The following PLXNA4 variants were observed in gnomAD, a reference collection of about 807,000 sequenced individuals.
PLXNA4 encodes the protein plexin A4, also known as plexin-A4.
A neutral mutation model predicts 191.8 loss-of-function variants in PLXNA4; 44 were observed. The ratio of observed to expected loss-of-function variants is 0.23; its 90% CI spans 0.18 to 0.29. The LOEUF (loss-of-function observed/expected upper bound fraction) is 0.29. Ranked by LOEUF, PLXNA4 falls within the 10% of genes least tolerant of loss-of-function variation. PLXNA4 has a pLI of 1.00. For synonymous variants in PLXNA4, 1,082 were observed against 1,009.5 expected (o/e 1.07, Z -1.36); for missense variants, 1,800 against 2,488.8 (o/e 0.72, Z 5.89).
intron 2 of PLXNA4, among the ~76,000 whole-genome samples, chr7:132,636,958 T>C (rs1223857042): frequency 6.6e-6 from 1 of 152,154 alleles, no homozygotes; most frequent in African/African-American, 2.4e-5. Flanking sequence ...GCTCCCCCAA[T>C]ATGCACGTCC....
At chr7:132,558,825 G>A (rs974553228) in intron 1 of PLXNA4, among the ~76,000 whole-genome samples, 1 of 152,216 alleles carries the variant, frequency 6.6e-6, no homozygotes, top group African/African-American at 2.4e-5. Flanking sequence ...GATACCCCAG[G>A]TCAGTAAGTA....
At chr7:132,523,094 A>G (rs1296714636) in intron 1 of PLXNA4, among the ~76,000 whole-genome samples, 1 of 152,078 alleles carries the variant, frequency 6.6e-6, no homozygotes, top group Non-Finnish European at 1.5e-5. Flanking sequence ...TCAGCTCCCT[A>G]GACTCTACAC....
intron 4 of PLXNA4, among the ~76,000 whole-genome samples, chr7:132,262,355 T>C (rs2116255443): frequency 6.6e-6 from 1 of 152,328 alleles, no homozygotes; most frequent in East Asian, 1.9e-4. Context: ...TTATTAATGA[T>C]GTCCTGGGCT....
intron 3 of PLXNA4, among the ~76,000 whole-genome samples, chr7:132,357,343 C>T (rs1471484303): frequency 6.6e-6 from 1 of 152,304 alleles, no homozygotes; most frequent in Admixed American, 6.5e-5. Flanking sequence ...TCCTTTGCAT[C>T]CTTCTTGCCT....
chr7:132,448,895 T>C (rs1796009975), intron 3 of PLXNA4, among the ~76,000 whole-genome samples: 2 of 152,254 alleles, frequency 1.3e-5, no homozygotes, highest in African/African-American at 2.4e-5. Flanking sequence ...AACAGCTAAC[T>C]GTAGAGCTCA....
intron 5 of PLXNA4, among the ~76,000 whole-genome samples, chr7:132,237,217 C>T (rs1357606062): frequency 3.9e-5 from 6 of 152,132 alleles, no homozygotes; most frequent in Non-Finnish European, 8.8e-5. Flanking sequence ...TTATCCAGGA[C>T]CGGATTTTAG....
intron 2 of PLXNA4, among the ~76,000 whole-genome samples, chr7:132,613,356 C>A (rs1265116867): frequency 6.6e-6 from 1 of 151,532 alleles, no homozygotes; most frequent in Non-Finnish European, 1.5e-5. Flanking sequence ...AAGCCACCCT[C>A]CCCCCCGACA....
Position 132,383,545 on chromosome 7 carries a change from A to C in PLXNA4, c.1372-85323T>G, listed in dbSNP as rs140711095. ...TTTATTCATTGTATCATGCTTTCTAATTGTCTCATGCTTTTTCACTGAATG... is the reference window on the plus strand; with the variant it reads ...TTTATTCATTGTATCATGCTTTCTACTTGTCTCATGCTTTTTCACTGAATG... On this transcript the variant is annotated intron_variant, in intron 3 of 31. Transcript: ENST00000321063. The C allele has an allele frequency of 2.9e-5, 28 of 980,092 alleles. No homozygotes were observed. The African/African-American group carries it at 4.5e-4, about 16-fold the overall frequency. 60.7% of individuals were successfully genotyped at this position (980,092 alleles called of 1,614,324 possible).
In PLXNA4 at chr7:132,235,683, G is replaced by A. The variant is rs537577100; in HGVS notation, c.1604+5383C>T. Among the ~76,000 whole-genome samples the A allele has an allele frequency of 3.8e-4, 58 of 152,294 alleles. No homozygotes were observed. In the East Asian group the frequency reaches 5.8e-3, roughly 15 times the overall value. ...AAGAAAGGTAACGCCTGGGCCAATC[G>A]ATGCGGCTGGGTCTGCTGGGCAGGA... is the stretch of plus-strand genomic sequence containing the variant. On this transcript the variant is annotated intron_variant, in intron 5 of 31. Coordinates refer to ENST00000321063, the MANE Select transcript of PLXNA4 (RefSeq NM_020911.2).
chr7:132,484,804 T>C (rs370145802), intron 3 of PLXNA4: 129 of 1,613,574 alleles, frequency 8.0e-5, no homozygotes, highest in Non-Finnish European at 9.7e-5. Flanking sequence ...GATTCAAATT[T>C]CCAGAGTAAT....
intron 3 of PLXNA4, among the ~76,000 whole-genome samples, chr7:132,488,050 G>C (rs1563128309): frequency 6.6e-6 from 1 of 152,224 alleles, no homozygotes; most frequent in Non-Finnish European, 1.5e-5. Context: ...AGCACCTGCT[G>C]TGTGGTACAT....
intron 3 of PLXNA4, among the ~76,000 whole-genome samples, chr7:132,340,315 T>A (rs1802978200): frequency 6.6e-6 from 1 of 152,216 alleles, no homozygotes; most frequent in Admixed American, 6.5e-5. Context: ...TGGACTGGTC[T>A]GAAGGAAAAC....
chr7:132,587,789 C>T (rs1050050306), intron 2 of PLXNA4, among the ~76,000 whole-genome samples: 1 of 151,910 alleles, frequency 6.6e-6, no homozygotes, highest in African/African-American at 2.4e-5. Flanking sequence ...CTGCACTGTA[C>T]ACCTCATTCA....
intron 21 of PLXNA4, among the ~76,000 whole-genome samples, chr7:132,170,793 G>A (rs1446114635): frequency 6.6e-6 from 1 of 152,238 alleles, no homozygotes; most frequent in African/African-American, 2.4e-5. Flanking sequence ...GCTCCTATGG[G>A]TCTGGAAGCT....
At chr7:132,390,585 T>TA in intron 3 of PLXNA4, among the ~76,000 whole-genome samples, 1 of 151,950 alleles carries the variant, frequency 6.6e-6, no homozygotes, top group Non-Finnish European at 1.5e-5. Context: ...ATAATAACAA[T>TA]AAAAAAGAAA....
chr7:132,223,206 T>C (rs555357658), intron 9 of PLXNA4, among the ~76,000 whole-genome samples: 1 of 152,176 alleles, frequency 6.6e-6, no homozygotes, highest in African/African-American at 2.4e-5. Flanking sequence ...GTACTTACAA[T>C]TATTTCTAGG....
intron 2 of PLXNA4, among the ~76,000 whole-genome samples, chr7:132,594,220 G>A (rs952725199): frequency 2.0e-5 from 3 of 152,214 alleles, no homozygotes; most frequent in Non-Finnish European, 4.4e-5. Context: ...CATGACCGGT[G>A]TCTTTATAAA....
At chr7:132,168,799 A>G (rs1425574457) in intron 21 of PLXNA4, among the ~76,000 whole-genome samples, 1 of 152,212 alleles carries the variant, frequency 6.6e-6, no homozygotes, top group Non-Finnish European at 1.5e-5. Context: ...AGAGCATCAC[A>G]TGGTTAGTAA....
At chr7:132,225,920 T>G (rs1161494726) in intron 8 of PLXNA4, among the ~76,000 whole-genome samples, 2 of 152,084 alleles carry the variant, frequency 1.3e-5, no homozygotes, top group Non-Finnish European at 2.9e-5. Context: ...TAAGTTCTCA[T>G]TTTCTGCTCT....
Sources: allele counts gnomAD v4.1 joint callset (sites outside exome capture counted in the v4.1 genomes callset), GRCh38; gene constraint gnomAD v4.1.1; transcripts MANE v1.5; gene names NCBI Gene and HGNC (gene_info 2026-07-23, HGNC 2026-07-21).